LINGO2: variants seen among roughly 807,000 people sequenced by gnomAD.
LINGO2 encodes leucine-rich repeat and immunoglobulin-like domain-containing nogo receptor-interacting protein 2.
LINGO2 carries 14 observed loss-of-function variants against 30.6 expected under a neutral mutation model. The observed-to-expected ratio is 0.46, with a 90% CI of 0.30 to 0.72. LINGO2 has a LOEUF of 0.72. Ranked by LOEUF, LINGO2 falls within the 30% of genes least tolerant of loss-of-function variation. The pLI is 0.07. For synonymous variants in LINGO2, 317 were observed against 288.5 expected, an observed-to-expected ratio of 1.10 and a Z score of -1.00; for missense variants, 729 against 751.7, an observed-to-expected ratio of 0.97 and a Z score of 0.35.
chr9:29,044,993 G>A, the LINGO2 span, among the ~76,000 whole-genome samples: 2 of 151,940 alleles, frequency 1.3e-5, no homozygotes, highest in African/African-American at 4.8e-5. Context: ...ATATCTTATT[G>A]TACTATATTC....
chr9:28,860,640 T>C, the LINGO2 span, among the ~76,000 whole-genome samples: 2 of 149,882 alleles, frequency 1.3e-5, no homozygotes, highest in African/African-American at 2.5e-5. Context: ...TAAAGATGCA[T>C]ATATATAATC....
At chr9:28,991,259 G>T in the LINGO2 span, among the ~76,000 whole-genome samples, 1 of 151,506 alleles carries the variant, frequency 6.6e-6, no homozygotes, top group Non-Finnish European at 1.5e-5. Flanking sequence ...GGAAGAAAGG[G>T]TATCAGCAAT....
chr9:28,881,793 C>T, the LINGO2 span, among the ~76,000 whole-genome samples: 1 of 152,318 alleles, frequency 6.6e-6, no homozygotes, highest in Non-Finnish European at 1.5e-5. Flanking sequence ...GATCTTCTCC[C>T]TTCTACCAGT....
chr9:28,157,934 AG>A (rs1296183172), intron 4 of LINGO2, among the ~76,000 whole-genome samples: 2 of 152,176 alleles, frequency 1.3e-5, no homozygotes, highest in Non-Finnish European at 2.9e-5. Context: ...ACATGTCTCT[AG>A]GGAGTTCCAA....
At position 28,629,844 on chromosome 9, in the gene LINGO2, G is replaced by A. The variant is rs894222714; in HGVS notation, c.-365+40356C>T. Among the ~76,000 whole-genome samples the A allele has an allele frequency of 8.6e-5, 13 of 151,962 alleles. No homozygotes were observed. In the East Asian group the frequency reaches 2.3e-3, roughly 27 times the overall value. On this transcript the variant is annotated intron_variant, in intron 1 of 5. Transcript: ENST00000379992. ...AGTATGAAAAAATGCATGAGGGTCA[G>A]AATTGACATGACATTTTCTACTAAC...
intron 4 of LINGO2, among the ~76,000 whole-genome samples, chr9:28,245,498 G>C (rs1821964614): frequency 6.6e-6 from 1 of 152,178 alleles, no homozygotes; most frequent in Non-Finnish European, 1.5e-5. Context: ...ATTAGGAAGA[G>C]ACAAAGTCAA....
the LINGO2 span, among the ~76,000 whole-genome samples, chr9:28,814,812 GAC>G: frequency 0.15 from 22,336 of 152,018 alleles, 1,840 homozygotes; most frequent in East Asian, 0.33. Context: ...CACACAAACA[GAC>G]ACACACATCA....
intron 4 of LINGO2, among the ~76,000 whole-genome samples, chr9:28,166,126 C>T (rs1349214852): frequency 6.6e-6 from 1 of 152,090 alleles, no homozygotes; most frequent in Non-Finnish European, 1.5e-5. Context: ...TAACTAAGTA[C>T]CTGTATAGGC....
chr9:28,041,380 C>T (rs933561931), intron 4 of LINGO2, among the ~76,000 whole-genome samples: 23 of 152,094 alleles, frequency 1.5e-4, no homozygotes, highest in African/African-American at 5.6e-4. Flanking sequence ...GAGTGAGCTG[C>T]TTGGAACTCT....
intron 4 of LINGO2, among the ~76,000 whole-genome samples, chr9:28,193,727 G>T (rs1485024693): frequency 6.6e-6 from 1 of 152,188 alleles, no homozygotes; most frequent in Non-Finnish European, 1.5e-5. Flanking sequence ...AGTTCTGTGG[G>T]TCACAAACTG....
At chr9:28,590,631 T>A (rs1375451558) in intron 1 of LINGO2, among the ~76,000 whole-genome samples, 1 of 151,974 alleles carries the variant, frequency 6.6e-6, no homozygotes, top group African/African-American at 2.4e-5. Context: ...CCAGTCAGAA[T>A]GGCGATCATT....
the LINGO2 span, among the ~76,000 whole-genome samples, chr9:28,829,356 A>G: frequency 1.3e-5 from 2 of 152,300 alleles, no homozygotes; most frequent in Non-Finnish European, 2.9e-5. Flanking sequence ...TGGACAACGG[A>G]CAAGAACTTA....
At chr9:28,334,916 G>A (rs950432417) in intron 3 of LINGO2, among the ~76,000 whole-genome samples, 1 of 152,126 alleles carries the variant, frequency 6.6e-6, no homozygotes, top group Non-Finnish European at 1.5e-5. Context: ...GGGATAATGA[G>A]ACTTGTTAGG....
At chr9:27,994,267 C>T (rs893756714) in intron 5 of LINGO2, among the ~76,000 whole-genome samples, 6 of 151,318 alleles carry the variant, frequency 4.0e-5, no homozygotes, top group African/African-American at 7.3e-5. Flanking sequence ...AAACCAAACC[C>T]GAAATTAGTA....
intron 1 of LINGO2, among the ~76,000 whole-genome samples, chr9:28,640,962 T>C (rs896381201): frequency 1.3e-5 from 2 of 152,184 alleles, no homozygotes; most frequent in Admixed American, 6.5e-5. Context: ...TGGTTTTATC[T>C]ACCTTTGGTC....
the LINGO2 span, among the ~76,000 whole-genome samples, chr9:28,847,756 T>C: frequency 7.7e-6 from 1 of 129,924 alleles, no homozygotes; most frequent in Non-Finnish European, 1.6e-5. Flanking sequence ...GTTATATATA[T>C]ACACACACAT....
chr9:28,863,519 A>G, the LINGO2 span: 1 of 436,290 alleles, frequency 2.3e-6, no homozygotes, highest in South Asian at 1.6e-5. Context: ...TATATTTACC[A>G]GGGATCTCTT....
the LINGO2 span, among the ~76,000 whole-genome samples, chr9:28,877,370 T>C: frequency 2.0e-5 from 3 of 148,404 alleles, no homozygotes; most frequent in South Asian, 2.1e-4. Flanking sequence ...TCTTCTAGGG[T>C]TTTTATGGTT....
chr9:28,420,868 G>A (rs1401359132), intron 2 of LINGO2, among the ~76,000 whole-genome samples: 6 of 151,950 alleles, frequency 3.9e-5, no homozygotes, highest in Non-Finnish European at 5.9e-5. Context: ...TGGCCATGTC[G>A]AGAGGGACTA....
Sources: allele counts gnomAD v4.1 joint callset (sites outside exome capture counted in the v4.1 genomes callset), GRCh38; gene constraint gnomAD v4.1.1; transcripts MANE v1.5; gene names NCBI Gene and HGNC (gene_info 2026-07-23, HGNC 2026-07-21).